BRINP1: variants seen among roughly 807,000 people sequenced by gnomAD.
BRINP1 encodes the protein BMP/retinoic acid-inducible neural-specific protein 1.
In BRINP1, 17 loss-of-function variants were observed where a neutral mutation model predicts 72.9. The observed-to-expected ratio is 0.23, with a 90% confidence interval of 0.16 to 0.35. The LOEUF (loss-of-function observed/expected upper bound fraction) is 0.35. Ranked by LOEUF, BRINP1 falls within the 10% of genes least tolerant of loss-of-function variation. The probability of loss-of-function intolerance (pLI) is 1.00; values close to 1 mark genes in which losing one functional copy is unlikely to be tolerated. For missense variants in BRINP1, 850 were observed against 1,001.6 expected (o/e 0.85, Z 2.04); for synonymous variants, 418 against 378.5 (o/e 1.10, Z -1.21).
chr9:119,294,847 C>A (rs1830857820), intron 2 of BRINP1, among the ~76,000 whole-genome samples: 3 of 76,726 alleles, frequency 3.9e-5, no homozygotes, highest in Non-Finnish European at 6.7e-5. Context: ...CAGAGTGACA[C>A]TACGTTAAAA....
intron 1 of BRINP1, among the ~76,000 whole-genome samples, chr9:119,348,815 C>A (rs1245001889): frequency 6.6e-6 from 1 of 152,118 alleles, no homozygotes; most frequent in African/African-American, 2.4e-5. Flanking sequence ...TGAAGCCAGG[C>A]CTGGTGCATA....
At chr9:119,310,326 AAGTTTGTG>A (rs1195394010) in intron 2 of BRINP1, among the ~76,000 whole-genome samples, 1 of 152,146 alleles carries the variant, frequency 6.6e-6, no homozygotes, top group Non-Finnish European at 1.5e-5. Flanking sequence ...GTGGCAACTC[AAGTTTGTG>A]AGTGACAGAG....
intron 7 of BRINP1, among the ~76,000 whole-genome samples, chr9:119,178,704 G>T (rs948524493): frequency 1.3e-5 from 2 of 152,130 alleles, no homozygotes; most frequent in African/African-American, 4.8e-5. Context: ...CCATGTTACA[G>T]GCAAAGAAAA....
At chr9:119,173,804 A>T (rs1829447891) in intron 7 of BRINP1, among the ~76,000 whole-genome samples, 1 of 145,570 alleles carries the variant, frequency 6.9e-6, no homozygotes, top group African/African-American at 2.8e-5. Context: ...ATATAGATCA[A>T]TGGACCAGAA....
intron 2 of BRINP1, among the ~76,000 whole-genome samples, chr9:119,289,817 C>T (rs1830804005): frequency 6.6e-6 from 1 of 152,196 alleles, no homozygotes; most frequent in South Asian, 2.1e-4. Flanking sequence ...GAACTGATCA[C>T]ATGGATTGAT....
rs147699251 is a variant in BRINP1, at chr9:119,209,963, C to T, written c.923-1022G>A. On this transcript the variant is annotated intron_variant, in intron 6 of 7. Transcript: ENST00000265922. ...AAGAGATGGTGACAAACTCTTGGGC[C>T]TCCCAGGTAAAAGTTTCTGCCTCAG... Among the ~76,000 whole-genome samples, 44 of 152,336 alleles carry T rather than the reference C, an allele frequency of 2.9e-4. No homozygotes were observed. In the East Asian group the frequency reaches 8.5e-3, roughly 29 times the overall value.
intron 1 of BRINP1, among the ~76,000 whole-genome samples, chr9:119,351,624 T>C (rs10984500): frequency 1.3e-5 from 2 of 151,880 alleles, no homozygotes; most frequent in African/African-American, 4.8e-5. Context: ...AGAAACCAGA[T>C]AGTCACATAT....
intron 7 of BRINP1, 42 bp downstream of exon 7, chr9:119,208,677 C>T: frequency 7.6e-6 from 12 of 1,575,794 alleles, no homozygotes; most frequent in Non-Finnish European, 9.6e-6. Flanking sequence ...TAGCTAACGC[C>T]AGGTAGGTGC....
At chr9:119,217,330 GAC>G (rs60503500) in intron 5 of BRINP1, among the ~76,000 whole-genome samples, 27,590 of 145,872 alleles carry the variant, frequency 0.19, 2,780 homozygotes, top group Non-Finnish European at 0.24. Context: ...CAGACACACA[GAC>G]ACACACACAC....
chr9:119,218,819 A>G (rs1830008823), intron 5 of BRINP1, among the ~76,000 whole-genome samples: 1 of 150,546 alleles, frequency 6.6e-6, no homozygotes, highest in African/African-American at 2.5e-5. Flanking sequence ...GAGAAAAGGC[A>G]TAAACTTAAG....
intron 2 of BRINP1, among the ~76,000 whole-genome samples, chr9:119,255,726 G>T (rs1316704719): frequency 6.6e-6 from 1 of 151,978 alleles, no homozygotes; most frequent in Non-Finnish European, 1.5e-5. Context: ...GGTCAAGGCG[G>T]GCAGATCGCC....
intron 2 of BRINP1, among the ~76,000 whole-genome samples, chr9:119,285,349 A>T (rs2118966899): frequency 6.6e-6 from 1 of 152,324 alleles, no homozygotes; most frequent in African/African-American, 2.4e-5. Context: ...AATCAAGAAA[A>T]TGAGGGAATC....
At chr9:119,218,029 C>A (rs1588167627) in intron 5 of BRINP1, among the ~76,000 whole-genome samples, 1 of 151,824 alleles carries the variant, frequency 6.6e-6, no homozygotes, top group East Asian at 1.9e-4. Context: ...AGGATTAATT[C>A]CTGGCTGAAA....
chr9:119,331,688 CCCAAGACCT>C (rs1252116216), intron 1 of BRINP1, among the ~76,000 whole-genome samples: 1 of 152,180 alleles, frequency 6.6e-6, no homozygotes, highest in African/African-American at 2.4e-5. Context: ...TGCCATTCTG[CCCAAGACCT>C]CCAGCTTTAC....
chr9:119,361,995 G>C (rs1831639283), intron 1 of BRINP1, among the ~76,000 whole-genome samples: 1 of 151,724 alleles, frequency 6.6e-6, no homozygotes. Context: ...TAGAGACACG[G>C]ATTCACCATG....
Position 119,324,571 on chromosome 9 carries a change from A to C in BRINP1, c.-50-11166T>G, listed in dbSNP as rs533225865. On this transcript the variant is annotated intron_variant, in intron 1 of 7. Coordinates refer to ENST00000265922, the MANE Select transcript of BRINP1 (RefSeq NM_014618.3). ...GCTCAATCAAAAGTGAGATTTAATC[A>C]GGTTTATCAAGAATTGGAAGATTCA... Among the ~76,000 whole-genome samples, 8 of 152,372 alleles carry C rather than the reference A, an allele frequency of 5.3e-5. 1 individual carries two copies. In the East Asian group the frequency reaches 1.3e-3, roughly 26 times the overall value.
At chr9:119,209,611 T>A (rs1429968195) in intron 6 of BRINP1, among the ~76,000 whole-genome samples, 1 of 152,030 alleles carries the variant, frequency 6.6e-6, no homozygotes, top group Non-Finnish European at 1.5e-5. Context: ...TATTGAATTC[T>A]CCAAAGAAAA....
At chr9:119,237,654 G>T (rs749905579) in intron 5 of BRINP1, among the ~76,000 whole-genome samples, 1 of 142,158 alleles carries the variant, frequency 7.0e-6, no homozygotes, top group Non-Finnish European at 1.5e-5. Flanking sequence ...GAGCCACCGC[G>T]CCTGGCCATT....
At chr9:119,249,476 C>T (rs1830356295) in intron 2 of BRINP1, among the ~76,000 whole-genome samples, 1 of 152,060 alleles carries the variant, frequency 6.6e-6, no homozygotes, top group Admixed American at 6.6e-5. Flanking sequence ...AAGAGTAATA[C>T]AAATAATAAT....
Sources: allele counts gnomAD v4.1 joint callset (sites outside exome capture counted in the v4.1 genomes callset), GRCh38; gene constraint gnomAD v4.1.1; transcripts MANE v1.5; gene names NCBI Gene and HGNC (gene_info 2026-07-23, HGNC 2026-07-21).